Variants in SERINC5 observed in about 807,000 individuals in gnomAD.
SERINC5 encodes serine incorporator 5.
SERINC5 carries 41 observed loss-of-function variants against 63.1 expected under a neutral mutation model. The ratio of observed to expected loss-of-function variants is 0.65; its 90% CI spans 0.51 to 0.84. The LOEUF (loss-of-function observed/expected upper bound fraction) is 0.84. Ranked by LOEUF, SERINC5 falls within the 40% of genes least tolerant of loss-of-function variation. SERINC5 has a pLI of 0.00. For synonymous variants in SERINC5, 222 were observed against 215.2 expected, an observed-to-expected ratio of 1.03 and a Z score of -0.28; for missense variants, 523 against 573.0, an observed-to-expected ratio of 0.91 and a Z score of 0.89.
chr5:80,164,351 G>A (rs1264603698), intron 7 of SERINC5, among the ~76,000 whole-genome samples: 2 of 150,468 alleles, frequency 1.3e-5, no homozygotes, highest in African/African-American at 2.4e-5. Flanking sequence ...GGGGGAGGGG[G>A]GTCTTTATTT....
intron 2 of SERINC5, among the ~76,000 whole-genome samples, chr5:80,193,420 T>A (rs1265745982): frequency 6.6e-6 from 1 of 152,232 alleles, no homozygotes; most frequent in Admixed American, 6.5e-5. Context: ...GGACAGTTGC[T>A]TAACAGACGC....
intron 2 of SERINC5, among the ~76,000 whole-genome samples, chr5:80,193,335 G>C (rs542753407): frequency 6.6e-6 from 1 of 152,214 alleles, no homozygotes; most frequent in Non-Finnish European, 1.5e-5. Flanking sequence ...CCATGTTTAT[G>C]ATGGCTGACA....
chr5:80,230,459 A>AAGAAAAAG lies in SERINC5; in HGVS notation c.27+25436_27+25437insCTTTTTCT, dbSNP rs1554071007. ...CAAGACTGTCACAAAAAAAAAAAAA[A>AAGAAAAAG]AAAGAAACCATTGCTCTTCAAATTT... is the stretch of plus-strand genomic sequence containing the variant. On this transcript the variant is annotated intron_variant, in intron 1 of 11. Coordinates refer to ENST00000507668, the MANE Select transcript of SERINC5 (RefSeq NM_001174072.3). Among the ~76,000 whole-genome samples the AAGAAAAAG allele has an allele frequency of 3.9e-5, 5 of 128,630 alleles. 1 individual carries two copies. The highest frequency in any genetic ancestry group is 6.3e-5 in the African/African-American group (2 of 31,974). 84.4% of individuals were successfully genotyped at this position (128,630 alleles called of 152,430 possible). A position where few individuals can be genotyped will look rare whatever the true frequency, so the allele number is the denominator to read the frequency against.
rs1258043595 is a variant in SERINC5, at chr5:80,220,497, T to C, written c.28-17444A>G. 2.0e-5 allele frequency among the ~76,000 whole-genome samples: 3 copies of C among 152,194 alleles called. No homozygotes were observed. In the East Asian group the frequency reaches 5.8e-4, roughly 29 times the overall value. ...TTGTTCAGTCAAACCTAGCATTTAT[T>C]TCTCCAGTCAGCTGGGTGGAGTGGA... On this transcript the variant is annotated intron_variant, in intron 1 of 11. Coordinates refer to ENST00000507668, the MANE Select transcript of SERINC5 (RefSeq NM_001174072.3).
chr5:80,229,540 C>A (rs1751345820), intron 1 of SERINC5, among the ~76,000 whole-genome samples: 1 of 151,934 alleles, frequency 6.6e-6, no homozygotes, highest in Non-Finnish European at 1.5e-5. Context: ...TAAAAGTAAA[C>A]AACAAAAAAT....
chr5:80,133,754 G>A (rs866107359), downstream of SERINC5, among the ~76,000 whole-genome samples: 5 of 152,348 alleles, frequency 3.3e-5, no homozygotes, highest in South Asian at 2.1e-4. Context: ...ACAGTCATCT[G>A]TACGGGAGAC....
chr5:80,189,697 T>C (rs1317466607), intron 2 of SERINC5, among the ~76,000 whole-genome samples: 1 of 152,172 alleles, frequency 6.6e-6, no homozygotes, highest in Non-Finnish European at 1.5e-5. Context: ...GCCTCAAATC[T>C]GCTAGTTTCT....
intron 5 of SERINC5, among the ~76,000 whole-genome samples, chr5:80,173,109 C>A (rs544464366): frequency 2.0e-5 from 3 of 151,570 alleles, no homozygotes; most frequent in Non-Finnish European, 4.4e-5. Context: ...AACAGCAACT[C>A]CAACTTCCCA....
At chr5:80,169,274 G>C in intron 6 of SERINC5, 61 bp downstream of exon 6, 3 of 1,402,918 alleles carry the variant, frequency 2.1e-6, no homozygotes, top group Non-Finnish European at 3.0e-6. Context: ...AAAGCCATTG[G>C]GTTTGCTCAA....
At chr5:80,173,933 T>C (rs190091399) in intron 5 of SERINC5, among the ~76,000 whole-genome samples, 11 of 151,700 alleles carry the variant, frequency 7.3e-5, no homozygotes, top group East Asian at 1.9e-4. Flanking sequence ...TCAATTCTAA[T>C]AGAGAATTGA....
intron 1 of SERINC5, among the ~76,000 whole-genome samples, chr5:80,246,516 C>G (rs956021269): frequency 2.0e-5 from 3 of 152,160 alleles, no homozygotes; most frequent in African/African-American, 7.2e-5. Flanking sequence ...GCTGTCTAAT[C>G]ACTATATACT....
At chr5:80,244,568 C>T (rs1490035588) in intron 1 of SERINC5, among the ~76,000 whole-genome samples, 1 of 151,606 alleles carries the variant, frequency 6.6e-6, no homozygotes, top group Non-Finnish European at 1.5e-5. Flanking sequence ...CAGTGGCTCA[C>T]GTCTGTAATC....
At chr5:80,148,445 C>A (rs973073680) in intron 9 of SERINC5, among the ~76,000 whole-genome samples, 2 of 151,958 alleles carry the variant, frequency 1.3e-5, no homozygotes, top group Non-Finnish European at 1.5e-5. Context: ...CCACCTCGGC[C>A]TCCCAAAGTG....
At position 80,243,882 on chromosome 5, in the gene SERINC5, G is replaced by C. The variant is rs1463938542; in HGVS notation, c.27+12014C>G. ...CAAAGAACTGAATCCCAGTTGATGA[G>C]ATTCCACAAACTTTCATAGAAAAAG... On this transcript the variant is annotated intron_variant, in intron 1 of 11. Transcript: ENST00000507668. 2.0e-5 allele frequency among the ~76,000 whole-genome samples: 3 copies of C among 151,262 alleles called. No individual in the cohort carries two copies. In the Admixed American group the frequency reaches 2.0e-4, roughly 10 times the overall value.
intron 7 of SERINC5, among the ~76,000 whole-genome samples, chr5:80,160,937 T>C (rs1746843317): frequency 7.1e-6 from 1 of 140,778 alleles, no homozygotes; most frequent in Non-Finnish European, 1.5e-5. Flanking sequence ...TGTGTGTGTA[T>C]ATATATGTGT....
At position 80,169,549 on chromosome 5, in the gene SERINC5, G is replaced by C. The variant is rs1400666618; in HGVS notation, c.552-3C>G. On this transcript the variant is annotated splice_polypyrimidine_tract_variant and splice_region_variant and intron_variant, in intron 5 of 11. Coordinates refer to ENST00000507668, the MANE Select transcript of SERINC5 (RefSeq NM_001174072.3). ...TGTTACTGGCTGTGCCTGCTGTCCT[G>C]TTTCTCCGGGAAGTGGGTAAGAGGG... The C allele has an allele frequency of 1.9e-6, 3 of 1,609,224 alleles. No homozygotes were observed. Among genetic ancestry groups the C allele is most frequent in the Non-Finnish European group, 2.5e-6 (3 of 1,177,648 alleles).
At chr5:80,112,007 C>T (rs1398559240) in intron 12 of SERINC5, among the ~76,000 whole-genome samples, 1 of 152,214 alleles carries the variant, frequency 6.6e-6, no homozygotes, top group Non-Finnish European at 1.5e-5. Context: ...CGATGCACTG[C>T]GGAAAGCCGC....
At chr5:80,239,242 C>A (rs112088888) in intron 1 of SERINC5, among the ~76,000 whole-genome samples, 2,948 of 152,284 alleles carry the variant, frequency 0.019, 46 homozygotes, top group African/African-American at 0.044. Context: ...CCATCAGAAA[C>A]CTCATCAGCA....
intron 1 of SERINC5, among the ~76,000 whole-genome samples, chr5:80,251,427 G>C (rs1017525019): frequency 1.4e-4 from 22 of 152,070 alleles, no homozygotes; most frequent in African/African-American, 5.1e-4. Flanking sequence ...GCATAAACTG[G>C]CTATAAAGAT....
Sources: allele counts gnomAD v4.1 joint callset (sites outside exome capture counted in the v4.1 genomes callset), GRCh38; gene constraint gnomAD v4.1.1; transcripts MANE v1.5; gene names NCBI Gene and HGNC (gene_info 2026-07-23, HGNC 2026-07-21).